ART4: variants seen among roughly 807,000 people sequenced by gnomAD.
ART4 encodes the protein ADP-ribosyltransferase 4 (inactive) (Dombrock blood group), also known as ecto-ADP-ribosyltransferase 4.
Under a neutral mutation model 24.2 loss-of-function variants are expected in ART4, and 14 were observed. The observed-to-expected ratio is 0.58, with a 90% CI of 0.38 to 0.90. The LOEUF is 0.90. Among genes scored for constraint, ART4 ranks in the 40% least tolerant of loss-of-function variants. The pLI is 0.00. For missense variants in ART4, 356 were observed against 366.6 expected, an observed-to-expected ratio of 0.97 and a Z score of 0.24; for synonymous variants, 145 against 139.9, an observed-to-expected ratio of 1.04 and a Z score of -0.26.
At chr12:14,839,900 T>G (rs1360127431) in intron 2 of ART4, among the ~76,000 whole-genome samples, 1 of 152,232 alleles carries the variant, frequency 6.6e-6, no homozygotes, top group Non-Finnish European at 1.5e-5. Flanking sequence ...CACAGCTGTT[T>G]GCTTAAATAT....
At chr12:14,831,839 T>A (rs1452846538) in intron 2 of ART4, among the ~76,000 whole-genome samples, 1 of 152,018 alleles carries the variant, frequency 6.6e-6, no homozygotes, top group Non-Finnish European at 1.5e-5. Context: ...CTCCTGCTCT[T>A]AAATCTACTC....
chr12:14,838,559 A>T (rs2137302884), intron 2 of ART4, among the ~76,000 whole-genome samples: 1 of 152,330 alleles, frequency 6.6e-6, no homozygotes, highest in Admixed American at 6.5e-5. Flanking sequence ...CTCTACAAAC[A>T]CTAATCTCCT....
At chr12:14,838,351 C>G (rs1189018087) in intron 2 of ART4, among the ~76,000 whole-genome samples, 1 of 152,084 alleles carries the variant, frequency 6.6e-6, no homozygotes, top group African/African-American at 2.4e-5. Flanking sequence ...TATAAATCTT[C>G]TGTAATTTTT....
Position 14,826,947 on chromosome 12 carries a change from G to T in ART4, c.*2424C>A, listed in dbSNP as rs1227738607. Reference sequence around the variant, plus strand: ...CCTTCTCCCAGCCTAGAGCCCTAACGGCTGGTTCAAATGCAGCCTCTTACT... The same window carrying T: ...CCTTCTCCCAGCCTAGAGCCCTAACTGCTGGTTCAAATGCAGCCTCTTACT... On this transcript the variant is annotated 3_prime_UTR_variant, in exon 3 of 3. Coordinates refer to ENST00000228936, the MANE Select transcript of ART4 (RefSeq NM_021071.4). 1 of 152,060 alleles carries T rather than the reference G, an allele frequency of 6.6e-6. No individual in the cohort carries two copies. Among genetic ancestry groups the T allele is most frequent in the African/African-American group, 2.4e-5 (1 of 41,390 alleles). 9.4% of individuals were successfully genotyped at this position (152,060 alleles called of 1,614,324 possible).
chr12:14,835,577 C>T (rs560494697), intron 2 of ART4, among the ~76,000 whole-genome samples: 6 of 151,494 alleles, frequency 4.0e-5, no homozygotes, highest in Admixed American at 2.0e-4. Context: ...AACACTGTAG[C>T]GAATAACTGA....
At chr12:14,837,637 C>T (rs1950439633) in intron 2 of ART4, among the ~76,000 whole-genome samples, 1 of 152,120 alleles carries the variant, frequency 6.6e-6, no homozygotes, top group Admixed American at 6.5e-5. Context: ...CCTCAGCCTC[C>T]TCAGTAGCTG....
At position 14,843,216 on chromosome 12, in the gene ART4, G is replaced by GT. The variant is rs1565432212; in HGVS notation, c.-104dup. The GT allele has an allele frequency of 1.4e-6, 2 of 1,467,370 alleles. No homozygotes were observed. The highest frequency in any genetic ancestry group is 1.9e-6 in the Non-Finnish European group (2 of 1,079,660). 90.9% of individuals were successfully genotyped at this position (1,467,370 alleles called of 1,614,324 possible). A position where few individuals can be genotyped will look rare whatever the true frequency, so the allele number is the denominator to read the frequency against. On this transcript the variant is annotated 5_prime_UTR_variant, in exon 1 of 3. Transcript: ENST00000228936. ...TTTTCTTTCAGTCTCATCCGTAACCGTTTTTTCCCCTGTCTATGCTGAGCA... is the reference window on the plus strand; with the variant it reads ...TTTTCTTTCAGTCTCATCCGTAACCGTTTTTTTCCCCTGTCTATGCTGAGCA...
intron 2 of ART4, among the ~76,000 whole-genome samples, chr12:14,834,310 A>G (rs1283868422): frequency 6.6e-6 from 1 of 152,230 alleles, no homozygotes; most frequent in Non-Finnish European, 1.5e-5. Context: ...AGGGTAAACT[A>G]ATTTTAGATA....
At chr12:14,832,216 G>A (rs371593635) in intron 2 of ART4, among the ~76,000 whole-genome samples, 2 of 152,250 alleles carry the variant, frequency 1.3e-5, no homozygotes, top group South Asian at 4.1e-4. Context: ...GGTCCTATGT[G>A]ATCGAATCTA....
At chr12:14,838,229 T>G (rs537073051) in intron 2 of ART4, among the ~76,000 whole-genome samples, 9 of 152,292 alleles carry the variant, frequency 5.9e-5, no homozygotes, top group Admixed American at 3.3e-4. Context: ...AGATCATTAA[T>G]TTGGGTGGGG....
intron 2 of ART4, among the ~76,000 whole-genome samples, chr12:14,836,851 C>G (rs1051935871): frequency 2.0e-5 from 3 of 152,120 alleles, no homozygotes; most frequent in Admixed American, 1.3e-4. Context: ...ATGCCTCTGA[C>G]CTATCTCTTC....
At chr12:14,839,546 A>G (rs1310029386) in intron 2 of ART4, among the ~76,000 whole-genome samples, 1 of 152,226 alleles carries the variant, frequency 6.6e-6, no homozygotes, top group Non-Finnish European at 1.5e-5. Flanking sequence ...CACAAGACAG[A>G]GAGAGGCTCC....
At chr12:14,833,721 A>G (rs1301830009) in intron 2 of ART4, among the ~76,000 whole-genome samples, 1 of 152,214 alleles carries the variant, frequency 6.6e-6, no homozygotes, top group Non-Finnish European at 1.5e-5. Context: ...TCTGAATTTT[A>G]TCAGACTGTT....
In ART4 at chr12:14,829,369, C is replaced by G. The variant is rs193147627; in HGVS notation, c.*2G>C. On this transcript the variant is annotated 3_prime_UTR_variant, in exon 3 of 3. Coordinates refer to ENST00000228936, the MANE Select transcript of ART4 (RefSeq NM_021071.4). ...TTAAATAAAAGGAGCCACAAGATTTCTTTATACTCTGCTTTTGGAAAAGAT... is the reference window on the plus strand; with the variant it reads ...TTAAATAAAAGGAGCCACAAGATTTGTTTATACTCTGCTTTTGGAAAAGAT... 2 of 1,573,982 alleles carry G rather than the reference C, an allele frequency of 1.3e-6. No individual in the cohort carries two copies. The highest frequency in any genetic ancestry group is 2.3e-5 in the East Asian group (1 of 43,790).
intron 2 of ART4, among the ~76,000 whole-genome samples, chr12:14,839,021 CT>C (rs927221513): frequency 1.3e-5 from 2 of 150,444 alleles, no homozygotes; most frequent in Non-Finnish European, 3.0e-5. Flanking sequence ...AAAAGTTTAA[CT>C]TTTTTTTGTA....
At chr12:14,830,571 GTGTGTGTA>G (rs1374596936) in intron 2 of ART4, among the ~76,000 whole-genome samples, 1 of 130,014 alleles carries the variant, frequency 7.7e-6, no homozygotes, top group South Asian at 2.7e-4. Flanking sequence ...GTGTGTGTGT[GTGTGTGTA>G]TACAAGTAGA....
intron 2 of ART4, among the ~76,000 whole-genome samples, chr12:14,830,536 A>AGTGT (rs55694373): frequency 0.042 from 5,250 of 123,892 alleles, 167 homozygotes; most frequent in East Asian, 0.12. Context: ...TCTATATAGG[A>AGTGT]GTGTGTGTGT....
intron 2 of ART4, among the ~76,000 whole-genome samples, chr12:14,834,540 C>A (rs1950416496): frequency 6.6e-6 from 1 of 152,104 alleles, no homozygotes; most frequent in South Asian, 2.1e-4. Flanking sequence ...AAACAATTGC[C>A]TATATTTCTC....
intron 2 of ART4, among the ~76,000 whole-genome samples, chr12:14,833,889 C>A (rs1373547385): frequency 6.6e-6 from 1 of 152,108 alleles, no homozygotes; most frequent in Non-Finnish European, 1.5e-5. Context: ...AACTTAGCAC[C>A]CGAAAATGAA....
Sources: allele counts gnomAD v4.1 joint callset (sites outside exome capture counted in the v4.1 genomes callset), GRCh38; gene constraint gnomAD v4.1.1; transcripts MANE v1.5; gene names NCBI Gene and HGNC (gene_info 2026-07-23, HGNC 2026-07-21).